Variants in CAMKMT observed in about 807,000 individuals in gnomAD.
The protein encoded by CAMKMT is CaM KMT.
CAMKMT carries 53 observed loss-of-function variants against 48.0 expected under a neutral mutation model. The observed-to-expected ratio is 1.10, with a 90% CI of 0.89 to 1.39. The LOEUF (loss-of-function observed/expected upper bound fraction) is 1.39, where lower values mean the gene tolerates loss of function less well. Among genes scored for constraint, CAMKMT ranks in the 40% most tolerant of loss-of-function variants. The probability of loss-of-function intolerance (pLI) is 0.00; values close to 1 mark genes in which losing one functional copy is unlikely to be tolerated. For synonymous variants in CAMKMT, 165 were observed against 152.3 expected (o/e 1.08, Z -0.61); for missense variants, 428 against 402.7 (o/e 1.06, Z -0.54).
Position 44,666,822 on chromosome 2 carries a change from A to T in CAMKMT, c.377-37461A>T, listed in dbSNP as rs1467027797. 2.0e-5 allele frequency among the ~76,000 whole-genome samples: 3 copies of T among 152,162 alleles called. No homozygotes were observed. In the East Asian group the frequency reaches 5.8e-4, roughly 29 times the overall value. On this transcript the variant is annotated intron_variant, in intron 3 of 10. Transcript: ENST00000378494. ...ATGGGATTTCTCCACGTTGGCCAGG[A>T]TGGTCTTGATCTCCTGACCTCGTGA...
intron 2 of CAMKMT, among the ~76,000 whole-genome samples, chr2:44,386,339 G>T (rs1392432779): frequency 1.3e-5 from 2 of 152,016 alleles, no homozygotes; most frequent in African/African-American, 4.8e-5. Flanking sequence ...GATCTTTTGT[G>T]TTTCAGTGGT....
chr2:44,440,467 C>T (rs1384397129), intron 3 of CAMKMT, among the ~76,000 whole-genome samples: 3 of 151,462 alleles, frequency 2.0e-5, no homozygotes, highest in Non-Finnish European at 4.4e-5. Context: ...TCTTCCCACT[C>T]TTTCACCTAT....
chr2:44,453,159 A>G (rs1243769220), intron 3 of CAMKMT, among the ~76,000 whole-genome samples: 2 of 152,070 alleles, frequency 1.3e-5, no homozygotes, highest in East Asian at 3.9e-4. Context: ...TTGTAATTCA[A>G]TCATCTATTA....
intron 3 of CAMKMT, among the ~76,000 whole-genome samples, chr2:44,516,353 G>C (rs760714125): frequency 1.9e-4 from 29 of 152,126 alleles, no homozygotes; most frequent in Non-Finnish European, 2.9e-4. Flanking sequence ...AATTTTTGTT[G>C]GTTTCTTTTG....
At chr2:44,565,661 G>C (rs148411875) in intron 3 of CAMKMT, among the ~76,000 whole-genome samples, 1 of 151,550 alleles carries the variant, frequency 6.6e-6, no homozygotes, top group African/African-American at 2.4e-5. Flanking sequence ...TCAGAGAATC[G>C]GATCTAAGTA....
At chr2:44,592,423 A>T (rs1303221646) in intron 3 of CAMKMT, among the ~76,000 whole-genome samples, 1 of 152,044 alleles carries the variant, frequency 6.6e-6, no homozygotes, top group Non-Finnish European at 1.5e-5. Flanking sequence ...ATCTATAGTG[A>T]TGCCATCTTT....
At chr2:44,768,387 A>T (rs1229890072) in intron 10 of CAMKMT, among the ~76,000 whole-genome samples, 3 of 130,686 alleles carry the variant, frequency 2.3e-5, no homozygotes, top group East Asian at 2.1e-4. Flanking sequence ...TAATAATGAG[A>T]GCTATTTCAG....
intron 3 of CAMKMT, among the ~76,000 whole-genome samples, chr2:44,644,731 T>C (rs532018899): frequency 2.0e-5 from 3 of 152,344 alleles, no homozygotes; most frequent in African/African-American, 7.2e-5. Flanking sequence ...TTTTTTATAA[T>C]TAGACTTTTA....
chr2:44,725,725 G>C (rs1396445844), intron 7 of CAMKMT, among the ~76,000 whole-genome samples: 4 of 152,182 alleles, frequency 2.6e-5, no homozygotes, highest in Non-Finnish European at 4.4e-5. Context: ...GATAAATAGA[G>C]AGAGGCTAGA....
At chr2:44,458,544 C>CT (rs758964690) in intron 3 of CAMKMT, among the ~76,000 whole-genome samples, 22 of 152,180 alleles carry the variant, frequency 1.4e-4, no homozygotes, top group Non-Finnish European at 2.9e-4. Context: ...ATGAAAAGGT[C>CT]TGCTTTCAGG....
chr2:44,413,609 G>A (rs980323928), intron 3 of CAMKMT, among the ~76,000 whole-genome samples: 4 of 150,188 alleles, frequency 2.7e-5, no homozygotes, highest in Admixed American at 6.7e-5. Context: ...CCAAGATTGC[G>A]CCACTGCACT....
intron 2 of CAMKMT, among the ~76,000 whole-genome samples, chr2:44,378,743 T>C (rs1679950438): frequency 6.6e-6 from 1 of 152,086 alleles, no homozygotes; most frequent in Non-Finnish European, 1.5e-5. Flanking sequence ...CCACCCACCT[T>C]GGCCTCCCAA....
intron 3 of CAMKMT, among the ~76,000 whole-genome samples, chr2:44,652,842 C>T (rs1180089464): frequency 6.6e-6 from 1 of 152,170 alleles, no homozygotes; most frequent in Non-Finnish European, 1.5e-5. Flanking sequence ...CACTGACTCC[C>T]TAGTGAAATG....
At chr2:44,429,275 GTA>G (rs1183474526) in intron 3 of CAMKMT, among the ~76,000 whole-genome samples, 1,039 of 85,272 alleles carry the variant, frequency 0.012, 6 homozygotes, top group African/African-American at 0.036. Flanking sequence ...GTGTGTGTGT[GTA>G]TGTGTGTGTG....
chr2:44,455,538 C>T (rs1318142212), intron 3 of CAMKMT, among the ~76,000 whole-genome samples: 1 of 152,122 alleles, frequency 6.6e-6, no homozygotes, highest in Non-Finnish European at 1.5e-5. Flanking sequence ...TCTAATGAAG[C>T]ATACCCATTG....
At chr2:44,459,943 A>G (rs560888414) in intron 3 of CAMKMT, among the ~76,000 whole-genome samples, 1 of 152,322 alleles carries the variant, frequency 6.6e-6, no homozygotes, top group South Asian at 2.1e-4. Flanking sequence ...ATTCTATGCT[A>G]ATGCAAGCCT....
At chr2:44,483,402 A>C (rs1211874335) in intron 3 of CAMKMT, among the ~76,000 whole-genome samples, 1 of 152,156 alleles carries the variant, frequency 6.6e-6, no homozygotes, top group Non-Finnish European at 1.5e-5. Context: ...ATTTTAGTCT[A>C]ATGGACTTTA....
chr2:44,692,982 A>G (rs1442565789), intron 3 of CAMKMT, among the ~76,000 whole-genome samples: 4 of 152,190 alleles, frequency 2.6e-5, no homozygotes, highest in African/African-American at 7.2e-5. Context: ...TATTCATGCC[A>G]TAAACCTAAG....
intron 3 of CAMKMT, among the ~76,000 whole-genome samples, chr2:44,568,583 T>C (rs1306751365): frequency 1.3e-5 from 2 of 151,756 alleles, no homozygotes; most frequent in Non-Finnish European, 2.9e-5. Flanking sequence ...AGGAGATTGG[T>C]TTTAGAGGAA....
Sources: gnomAD v4.1 joint callset for allele counts (sites outside exome capture counted in the v4.1 genomes callset) on GRCh38, gnomAD v4.1.1 for gene constraint, MANE v1.5 for transcripts, NCBI Gene and HGNC (gene_info 2026-07-23, HGNC 2026-07-21) for gene names.